CIT: variants seen among roughly 807,000 people sequenced by gnomAD.
The protein encoded by CIT is citron rho-interacting serine/threonine kinase.
In CIT, 79 loss-of-function variants were observed where a neutral mutation model predicts 272.7. The ratio of observed to expected loss-of-function variants is 0.29; its 90% CI spans 0.24 to 0.35. The LOEUF (loss-of-function observed/expected upper bound fraction) is 0.35. CIT is among the 10% of genes least tolerant of loss of function. The pLI, the probability that CIT is intolerant of heterozygous loss-of-function variation, is 1.00. For synonymous variants in CIT, 948 were observed against 995.6 expected, an observed-to-expected ratio of 0.95 and a Z score of 0.90; for missense variants, 1,909 against 2,618.3, an observed-to-expected ratio of 0.73 and a Z score of 5.91.
Position 119,712,541 on chromosome 12 carries a change from G to T in CIT, c.4684+50C>A. ...ACCACCCCTTCTGTCCCTGCTGATT[G>T]GCCAAGCCCGGCCCACCTCCAGGGC... On this transcript the variant is annotated intron_variant, in intron 36 of 47. Coordinates refer to ENST00000392521, the MANE Select transcript of CIT (RefSeq NM_001206999.2). The surrounding 1 kb of genome is among the most constrained non-coding windows in gnomAD (Gnocchi z 5.2). The T allele has an allele frequency of 1.3e-6, 2 of 1,553,362 alleles. No individual in the cohort carries two copies. Among genetic ancestry groups the T allele is most frequent in the South Asian group, 1.1e-5 (1 of 89,364 alleles).
At chr12:119,864,484 C>T (rs1352990998) in intron 3 of CIT, among the ~76,000 whole-genome samples, 1 of 152,122 alleles carries the variant, frequency 6.6e-6, no homozygotes, top group East Asian at 1.9e-4. Flanking sequence ...CACAGATGTG[C>T]GTCCCCATGC....
intron 9 of CIT, among the ~76,000 whole-genome samples, chr12:119,806,992 G>A (rs1485169113): frequency 6.6e-6 from 1 of 152,162 alleles, no homozygotes; most frequent in Non-Finnish European, 1.5e-5. Flanking sequence ...TGAACTAGCA[G>A]TTAGATCTGA....
intron 19 of CIT, among the ~76,000 whole-genome samples, chr12:119,765,760 C>T (rs1962382671): frequency 6.6e-6 from 1 of 151,924 alleles, no homozygotes; most frequent in South Asian, 2.1e-4. Flanking sequence ...GCATGAGCCA[C>T]CACACCTAGC....
At chr12:119,813,414 T>C (rs527438666) in intron 9 of CIT, among the ~76,000 whole-genome samples, 1 of 152,318 alleles carries the variant, frequency 6.6e-6, no homozygotes, top group African/African-American at 2.4e-5. Flanking sequence ...TCATCTCTTT[T>C]GATTCCTGCC....
At chr12:119,767,207 A>C in intron 18 of CIT, 25 bp from the exon 19 acceptor site, 1 of 1,563,662 alleles carries the variant, frequency 6.4e-7, no homozygotes, top group Non-Finnish European at 8.7e-7. Context: ...AAAGACAGTC[A>C]GGTGTGCAGA....
At chr12:119,866,100 C>T (rs1950508112) in intron 3 of CIT, among the ~76,000 whole-genome samples, 2 of 152,074 alleles carry the variant, frequency 1.3e-5, no homozygotes, top group Admixed American at 1.3e-4. Context: ...AACACCTCAC[C>T]TCCAGGGAGG....
At chr12:119,803,611 G>C (rs1966398337) in intron 9 of CIT, 1 of 391,858 alleles carries the variant, frequency 2.6e-6, no homozygotes, top group African/African-American at 2.1e-5. Flanking sequence ...TTCCCGCCTG[G>C]GGTAAACTGA....
At chr12:119,835,222 G>A (rs961814262) in intron 5 of CIT, among the ~76,000 whole-genome samples, 53 of 152,200 alleles carry the variant, frequency 3.5e-4, no homozygotes, top group Admixed American at 2.6e-4. Flanking sequence ...TAGCCTGGGC[G>A]GCTTCAGCCT....
At chr12:119,802,936 G>T (rs1321298269) in intron 10 of CIT, among the ~76,000 whole-genome samples, 1 of 152,086 alleles carries the variant, frequency 6.6e-6, no homozygotes, top group Non-Finnish European at 1.5e-5. Context: ...CTTTAAAGAA[G>T]ACCAAAGATT....
chr12:119,787,049 C>T (rs943953576), intron 10 of CIT, among the ~76,000 whole-genome samples: 11 of 152,102 alleles, frequency 7.2e-5, no homozygotes, highest in Admixed American at 6.5e-4. Context: ...ACTGCAGCCT[C>T]GACTTCCCAG....
At chr12:119,838,511 G>C (rs1969180139) in intron 5 of CIT, among the ~76,000 whole-genome samples, 1 of 152,194 alleles carries the variant, frequency 6.6e-6, no homozygotes, top group Non-Finnish European at 1.5e-5. Flanking sequence ...TGGGACCCAG[G>C]AATCTATAGT....
Position 119,804,390 on chromosome 12 carries a change from C to T in CIT, c.1112-1001G>A. The T allele has an allele frequency of 1.0e-6, 1 of 985,624 alleles. No individual in the cohort carries two copies. The highest frequency in any genetic ancestry group is 1.2e-6 in the Non-Finnish European group (1 of 830,062). 61.1% of individuals were successfully genotyped at this position (985,624 alleles called of 1,614,324 possible). On this transcript the variant is annotated intron_variant, in intron 9 of 47. Coordinates refer to ENST00000392521, the MANE Select transcript of CIT (RefSeq NM_001206999.2). This position sits in a 1 kb window ranked among gnomAD's most constrained non-coding sequence, Gnocchi z 5.3. ...CGAGTTAGAGCCGAGCATCACATCCCCCGCAGTGCAGGCTGCATGCTCCCG... is the reference window on the plus strand; with the variant it reads ...CGAGTTAGAGCCGAGCATCACATCCTCCGCAGTGCAGGCTGCATGCTCCCG...
chr12:119,872,572 C>T (rs551844272), intron 2 of CIT, among the ~76,000 whole-genome samples: 1 of 152,274 alleles, frequency 6.6e-6, no homozygotes, highest in African/African-American at 2.4e-5. Context: ...AAGAGATGAA[C>T]TGAGGGTTTA....
intron 46 of CIT, among the ~76,000 whole-genome samples, chr12:119,691,242 T>C (rs1955930726): frequency 6.6e-6 from 1 of 151,182 alleles, no homozygotes; most frequent in Admixed American, 6.6e-5. Flanking sequence ...TGACCTACTA[T>C]TTCCCAGAGC....
chr12:119,857,770 A>G, intron 3 of CIT, 72 bp from the exon 4 acceptor site: 1 of 1,402,458 alleles, frequency 7.1e-7, no homozygotes, highest in Non-Finnish European at 9.7e-7. Flanking sequence ...GAAAGAAAAA[A>G]AAAAAAGAAA....
At chr12:119,788,485 A>G (rs1388949436) in intron 10 of CIT, among the ~76,000 whole-genome samples, 1 of 152,200 alleles carries the variant, frequency 6.6e-6, no homozygotes, top group Non-Finnish European at 1.5e-5. Flanking sequence ...AACACAGGTC[A>G]CAGCTCCTTG....
At position 119,734,243 on chromosome 12, in the gene CIT, C is replaced by T. The variant is rs200184645; in HGVS notation, c.3271G>A (p.Val1091Ile). 5.9e-5 allele frequency: 96 copies of T among 1,613,982 alleles called. No individual in the cohort carries two copies. The highest frequency in any genetic ancestry group is 8.9e-5 in the East Asian group (4 of 44,882). ...KERQWEAWRS[V>I]LGDEKSQFEC... ...AACTGGGATTTCTCATCACCCAGGA[C>T]GCTCCTCCAGGCCTCCCACTGCCGC... The change falls in exon 26 of 48, where the codon GTC (valine) becomes ATC (isoleucine). Residue 1091 changes from valine (V) to isoleucine (I), a missense_variant. By Grantham distance (29) the Val-to-Ile change is conservative. Coordinates refer to ENST00000392521, the MANE Select transcript of CIT (RefSeq NM_001206999.2).
At chr12:119,836,244 A>G (rs280584) in intron 5 of CIT, among the ~76,000 whole-genome samples, 20,041 of 140,946 alleles carry the variant, frequency 0.14, 3,172 homozygotes, top group African/African-American at 0.4. Flanking sequence ...CTGAGATCAC[A>G]CCACTGCACT....
At chr12:119,820,774 C>G (rs530069416) in intron 9 of CIT, among the ~76,000 whole-genome samples, 101 of 152,184 alleles carry the variant, frequency 6.6e-4, no homozygotes, top group Non-Finnish European at 1.2e-3. Flanking sequence ...AGTTCAAGAC[C>G]AGCCTGGGCA....
Sources: gnomAD v4.1 joint callset for allele counts (sites outside exome capture counted in the v4.1 genomes callset) on GRCh38, gnomAD v4.1.1 for gene constraint, Gnocchi (gnomAD v3.1) non-coding constraint, MANE v1.5 for transcripts, NCBI Gene and HGNC (gene_info 2026-07-23, HGNC 2026-07-21) for gene names.